The following AXL variants were observed in gnomAD, a reference collection of about 807,000 sequenced individuals.
AXL encodes the protein AXL receptor tyrosine kinase.
AXL carries 52 observed loss-of-function variants against 104.5 expected under a neutral mutation model. The observed-to-expected ratio is 0.50, with a 90% confidence interval of 0.40 to 0.63. The LOEUF is 0.63. Ranked by LOEUF, AXL falls within the 20% of genes least tolerant of loss-of-function variation. The probability of loss-of-function intolerance (pLI) is 0.00; values close to 1 mark genes in which losing one functional copy is unlikely to be tolerated. For synonymous variants in AXL, 455 were observed against 473.7 expected (o/e 0.96, Z 0.51); for missense variants, 1,024 against 1,188.5 (o/e 0.86, Z 2.04).
chr19:41,256,418 G>C (rs1358428297), intron 17 of AXL, 34 bp from the exon 18 acceptor site: 2 of 1,596,566 alleles, frequency 1.3e-6, no homozygotes, highest in Non-Finnish European at 1.7e-6. Flanking sequence ...GGTGACTGAT[G>C]CCCTGACCCT....
At position 41,239,981 on chromosome 19, in the gene AXL, G is replaced by C. The variant is rs112346888; in HGVS notation, c.1312+261G>C. Among the ~76,000 whole-genome samples, 529 of 152,106 alleles carry C rather than the reference G, an allele frequency of 3.5e-3. 3 individuals carry two copies. The highest frequency in any genetic ancestry group is 0.012 in the African/African-American group (511 of 41,500). On this transcript the variant is annotated intron_variant, in intron 10 of 19. Transcript: ENST00000301178. ...GGATGGATGGATAGATATATGGAGG[G>C]TGGATGGGTGGGTGGGTCAATGGAT...
Position 41,221,962 on chromosome 19 carries a change from A to AC in AXL, c.497dup (p.Glu167ArgfsTer43), listed in dbSNP as rs1259629807. The AC allele has an allele frequency of 6.2e-7, 1 of 1,612,450 alleles. No homozygotes were observed. The highest frequency in any genetic ancestry group is 2.2e-5 in the East Asian group (1 of 44,812). ...TCAACCTGAGCTGCCAAGCTCAGGG[A>AC]CCCCCAGAGCCCGTGGACCTACTCT... On this transcript the variant is annotated frameshift_variant, in exon 4 of 20. Coordinates refer to ENST00000301178, the MANE Select transcript of AXL (RefSeq NM_021913.5). LOFTEE classifies it high-confidence loss of function.
In AXL at chr19:41,230,901, G is replaced by A. The variant is rs948882356; in HGVS notation, c.587-66G>A. ...AGGCAGGCCATGGTAGGAGTGGCCC[G>A]GCATGGCCCCGGAGCCCTTCCTGCC... On this transcript the variant is annotated intron_variant, in intron 4 of 19. Transcript: ENST00000301178. The A allele has an allele frequency of 1.0e-5, 16 of 1,535,966 alleles. No individual in the cohort carries two copies. The East Asian group carries it at 2.2e-4, about 22-fold the overall frequency.
At chr19:41,250,646 T>G (rs1234112940) in intron 14 of AXL, among the ~76,000 whole-genome samples, 1 of 152,158 alleles carries the variant, frequency 6.6e-6, no homozygotes, top group Non-Finnish European at 1.5e-5. Context: ...TTTCACCATG[T>G]TGGCCAGGAT....
chr19:41,230,320 AAT>A, intron 4 of AXL, among the ~76,000 whole-genome samples: 1 of 136,400 alleles, frequency 7.3e-6, no homozygotes, highest in Non-Finnish European at 1.6e-5. Context: ...GGGGTGTAAG[AAT>A]GTGTGTGTGT....
intron 6 of AXL, among the ~76,000 whole-genome samples, chr19:41,233,447 G>T (rs1020162861): frequency 2.6e-5 from 4 of 151,556 alleles, no homozygotes; most frequent in Admixed American, 2.6e-4. Context: ...CACTTCGGGG[G>T]GCTGAGGCAG....
intron 6 of AXL, among the ~76,000 whole-genome samples, chr19:41,233,238 C>T (rs1461107084): frequency 6.6e-6 from 1 of 152,038 alleles, no homozygotes; most frequent in African/African-American, 2.4e-5. Context: ...GACCCGCCCA[C>T]CTCGGCCTCC....
At chr19:41,222,564 C>T (rs774062878) in intron 4 of AXL, among the ~76,000 whole-genome samples, 5 of 152,248 alleles carry the variant, frequency 3.3e-5, no homozygotes, top group South Asian at 2.1e-4. Flanking sequence ...ATGTCCAGCC[C>T]GGTCCCCACT....
chr19:41,241,972 T>C (rs2034190136), intron 10 of AXL, among the ~76,000 whole-genome samples: 1 of 151,830 alleles, frequency 6.6e-6, no homozygotes, highest in South Asian at 2.1e-4. Context: ...AAGGATCTTC[T>C]TCCCCACTCA....
intron 3 of AXL, 175 bp from the exon 4 acceptor site, chr19:41,221,705 T>G: frequency 1.6e-6 from 1 of 624,240 alleles, no homozygotes; most frequent in Non-Finnish European, 2.7e-6. Flanking sequence ...AGGAATCAGA[T>G]ATTGGGGTCA....
intron 18 of AXL, 146 bp downstream of exon 18, chr19:41,256,757 T>A (rs1474764276): frequency 8.9e-7 from 1 of 1,121,264 alleles, no homozygotes; most frequent in Non-Finnish European, 1.3e-6. Context: ...GCTGGGCATG[T>A]CTTGGGGTAT....
rs1426529498 is a variant in AXL, at chr19:41,219,488, G to A, written c.85+11G>A. On this transcript the variant is annotated intron_variant, in intron 1 of 19. Coordinates refer to ENST00000301178, the MANE Select transcript of AXL (RefSeq NM_021913.5). ...GCATGGCCCCCAGGGGTGAGTGATG[G>A]GGGCTCCTTGGGGCAGGGATCCCCT... 1 of 1,595,266 alleles carries A rather than the reference G, an allele frequency of 6.3e-7. No individual in the cohort carries two copies. Among genetic ancestry groups the A allele is most frequent in the African/African-American group, 1.3e-5 (1 of 74,538 alleles).
chr19:41,239,058 G>A, intron 8 of AXL, 106 bp from the exon 9 acceptor site: 2 of 1,321,482 alleles, frequency 1.5e-6, no homozygotes, highest in Non-Finnish European at 2.1e-6. Context: ...GGAGTTGGAG[G>A]ATGGGGAGAG....
intron 4 of AXL, among the ~76,000 whole-genome samples, chr19:41,230,347 G>A (rs1030904886): frequency 1.3e-4 from 19 of 151,672 alleles, no homozygotes; most frequent in Non-Finnish European, 2.7e-4. Context: ...GTATGCGCCT[G>A]TGCCTGTGTG....
At chr19:41,258,808 T>C (rs1392785258) in intron 19 of AXL, among the ~76,000 whole-genome samples, 1 of 152,234 alleles carries the variant, frequency 6.6e-6, no homozygotes, top group African/African-American at 2.4e-5. Flanking sequence ...AAACGTTTAT[T>C]ATCTCACACA....
rs1405762345 is a variant in AXL at position 41,253,686 on chromosome 19, G to C, written c.2014G>C (p.Asp672His). 6.2e-7 allele frequency: 1 copy of C among 1,613,420 alleles called. No homozygotes were observed. The highest frequency in any genetic ancestry group is 8.5e-7 in the Non-Finnish European group (1 of 1,179,820). The change falls in exon 17 of 20, where the codon GAC becomes CAC. Residue 672 changes from aspartate (D) to histidine (H), a missense_variant. Coordinates refer to ENST00000301178, the MANE Select transcript of AXL (RefSeq NM_021913.5). ...GAGTACCAAGAGATTCATACACCGG[G>C]ACCTGGCGGCCAGGAACTGCATGTG... ...YLSTKRFIHRDLAARNCMLNE... is the reference protein window; with the variant it reads ...YLSTKRFIHRHLAARNCMLNE...
intron 16 of AXL, 80 bp downstream of exon 16, chr19:41,253,047 A>C (rs1257225008): frequency 6.7e-7 from 1 of 1,498,282 alleles, no homozygotes; most frequent in Admixed American, 1.9e-5. Flanking sequence ...GACCCTGGGA[A>C]GACCACGGTG....
chr19:41,238,877 T>G (rs2034131214), intron 8 of AXL, among the ~76,000 whole-genome samples: 1 of 152,046 alleles, frequency 6.6e-6, no homozygotes, highest in Non-Finnish European at 1.5e-5. Flanking sequence ...GATAGTTATA[T>G]AGCACCTTGG....
intron 6 of AXL, among the ~76,000 whole-genome samples, chr19:41,237,358 G>A (rs1197512445): frequency 6.6e-6 from 1 of 151,958 alleles, no homozygotes; most frequent in South Asian, 2.1e-4. Flanking sequence ...TTCTCCTATC[G>A]CAGCCTCCCG....
Sources: allele counts gnomAD v4.1 joint callset (sites outside exome capture counted in the v4.1 genomes callset), GRCh38; gene constraint gnomAD v4.1.1; transcripts MANE v1.5; gene names NCBI Gene and HGNC (gene_info 2026-07-23, HGNC 2026-07-21).